Variants in COL6A3 observed in about 807,000 individuals in gnomAD.
COL6A3 encodes collagen type VI alpha 3 chain, also known as collagen alpha-3(VI) chain.
COL6A3 carries 137 observed loss-of-function variants against 274.1 expected under a neutral mutation model. The ratio of observed to expected loss-of-function variants is 0.50; its 90% CI spans 0.44 to 0.58. The LOEUF (loss-of-function observed/expected upper bound fraction) is 0.58, where lower values mean the gene tolerates loss of function less well. Ranked by LOEUF, COL6A3 falls within the 20% of genes least tolerant of loss-of-function variation. The probability of loss-of-function intolerance (pLI) is 0.00; values close to 1 mark genes in which losing one functional copy is unlikely to be tolerated. For missense variants in COL6A3, 3,950 were observed against 4,124.9 expected (o/e 0.96, Z 1.16); for synonymous variants, 1,650 against 1,650.6 (o/e 1.00, Z 0.01).
chr2:237,366,635 G>C, intron 11 of COL6A3, 52 bp downstream of exon 11: 1 of 1,613,920 alleles, frequency 6.2e-7, no homozygotes, highest in Non-Finnish European at 8.5e-7. Context: ...CAGCTAAAGA[G>C]GCACAAATGT....
In COL6A3 at chr2:237,333,533, G is replaced by C. The variant is rs182976977; in HGVS notation, c.9245C>G (p.Pro3082Arg). 1,043 of 1,614,142 alleles carry C rather than the reference G, an allele frequency of 6.5e-4. 5 individuals are homozygous for C. Among genetic ancestry groups the C allele is most frequent in the Non-Finnish European group, 6.7e-4 (791 of 1,179,994 alleles). The change falls in exon 42 of 44, where the codon CCA (proline) becomes CGA (arginine). Residue 3082 changes from proline (P) to arginine (R), a missense_variant. Pro to Arg is a moderately radical substitution (Grantham distance 103). Transcript: ENST00000295550. ...AGCTGACCTTGCTGGCTGTGGAGGT[G>C]GGGGCTGAGATTTCTCTATAAAAGA... ...GSFSTKKSQP[P>R]PPQPARSASS...
In COL6A3 at chr2:237,381,318, A is replaced by G; in HGVS notation, c.1494T>C (p.Tyr498=). ...QYADTVRPEF[Y]FNTHPTKREV... Reference sequence around the variant, plus strand: ...CCCTTTTTGTTGGATGGGTATTGAAATAAAATTCAGGCCTCACAGTGTCTG... The same window carrying G: ...CCCTTTTTGTTGGATGGGTATTGAAGTAAAATTCAGGCCTCACAGTGTCTG... Residue 498 remains tyrosine, a synonymous_variant, in exon 5 of 44, where the codon TAT becomes TAC. Coordinates refer to ENST00000295550, the MANE Select transcript of COL6A3 (RefSeq NM_004369.4). 1.2e-6 allele frequency: 2 copies of G among 1,614,254 alleles called. No individual in the cohort carries two copies. Among genetic ancestry groups the G allele is most frequent in the Non-Finnish European group, 8.5e-7 (1 of 1,180,046 alleles).
Position 237,385,359 on chromosome 2 carries a change from G to T in COL6A3, c.1312+2223C>A, listed in dbSNP as rs554563429. ...ATTAAACATGATGTTTGTAATCAAG[G>T]GGTTGAAACTCTACTTGGCTAGGGA... On this transcript the variant is annotated intron_variant, in intron 4 of 43. Coordinates refer to ENST00000295550, the MANE Select transcript of COL6A3 (RefSeq NM_004369.4). Among the ~76,000 whole-genome samples the T allele has an allele frequency of 3.9e-5, 6 of 152,276 alleles. No homozygotes were observed. In the East Asian group the frequency reaches 1.2e-3, roughly 29 times the overall value.
intron 26 of COL6A3, 117 bp from the exon 27 acceptor site, chr2:237,351,309 G>T (rs2077201950): frequency 2.2e-6 from 2 of 897,684 alleles, no homozygotes. Flanking sequence ...CATGGAACCT[G>T]TCCCACCTGC....
At chr2:237,370,017 T>G (rs1034843758) in intron 9 of COL6A3, among the ~76,000 whole-genome samples, 1 of 151,594 alleles carries the variant, frequency 6.6e-6, no homozygotes, top group African/African-American at 2.4e-5. Context: ...TTTTTTAAAT[T>G]TCATTAAAAT....
chr2:237,349,728 C>G (rs977757010), intron 28 of COL6A3, among the ~76,000 whole-genome samples: 1 of 152,304 alleles, frequency 6.6e-6, no homozygotes, highest in South Asian at 2.1e-4. Flanking sequence ...CCTAAGATGT[C>G]TCATTCAAAA....
chr2:237,377,556 A>C (rs2077882214), intron 6 of COL6A3, among the ~76,000 whole-genome samples: 1 of 152,226 alleles, frequency 6.6e-6, no homozygotes, highest in Non-Finnish European at 1.5e-5. Context: ...AGTAACTAGA[A>C]CAGCCTATCC....
Position 237,374,291 on chromosome 2 carries a change from AT to A in COL6A3, c.3679+120del. 6.9e-7 allele frequency: 1 copy of A among 1,442,228 alleles called. No individual in the cohort carries two copies. The highest frequency in any genetic ancestry group is 9.6e-7 in the Non-Finnish European group (1 of 1,041,790). 89.3% of individuals were successfully genotyped at this position (1,442,228 alleles called of 1,614,324 possible). On this transcript the variant is annotated intron_variant, in intron 8 of 43. Coordinates refer to ENST00000295550, the MANE Select transcript of COL6A3 (RefSeq NM_004369.4). The surrounding 1 kb of genome is among the most constrained non-coding windows in gnomAD (Gnocchi z 4.8). ...ATGTGGGTTCCTAAATTTTCCTGTA[AT>A]TTTAGTTTTCACTTCACATGGCAGG...
At chr2:237,350,346 T>A in intron 27 of COL6A3, 137 bp from the exon 28 acceptor site, 2 of 788,026 alleles carry the variant, frequency 2.5e-6, no homozygotes, top group Non-Finnish European at 4.3e-6. Flanking sequence ...AATGATTTTC[T>A]AAATTGCAAC....
At position 237,348,612 on chromosome 2, in the gene COL6A3, CT is replaced by C. The variant is rs1426887007; in HGVS notation, c.6930del (p.Gly2311GlufsTer20). On this transcript the variant is annotated frameshift_variant and splice_region_variant, in exon 29 of 44. Transcript: ENST00000295550. LOFTEE classifies it high-confidence loss of function. ...TTGGATAATCCTCAGCAGATACGTA[CT>C]TTTTTGCCTCTGCGTCCTTCACTGC... ...GVGSEGRRGK[K>X]GERGFPGYPG... The C allele has an allele frequency of 6.2e-7, 1 of 1,614,012 alleles. No individual in the cohort carries two copies.
rs936351144 is a variant in COL6A3 at position 237,371,477 on chromosome 2, A to G, written c.4285+255T>C. 6.7e-6 allele frequency: 4 copies of G among 596,990 alleles called. No homozygotes were observed. In the East Asian group the frequency reaches 1.0e-4, roughly 15 times the overall value. 37.0% of individuals were successfully genotyped at this position (596,990 alleles called of 1,614,324 possible). A position where few individuals can be genotyped will look rare whatever the true frequency, so the allele number is the denominator to read the frequency against. On this transcript the variant is annotated intron_variant, in intron 9 of 43. Transcript: ENST00000295550. This position sits in a 1 kb window ranked among gnomAD's most constrained non-coding sequence, Gnocchi z 4.3. The stretch of plus-strand genomic sequence containing the variant: ...GCCGGGCGTGGTGGTATGAACCTGT[A>G]GTCCTAGCTACTGAGGAGGCTGAAG...
chr2:237,333,802 T>A (rs1700389345), intron 41 of COL6A3, among the ~76,000 whole-genome samples: 1 of 152,162 alleles, frequency 6.6e-6, no homozygotes, highest in Non-Finnish European at 1.5e-5. Context: ...CCAGACAGCC[T>A]CTTCTGCTGC....
intron 3 of COL6A3, among the ~76,000 whole-genome samples, chr2:237,390,297 T>C (rs898403681): frequency 3.9e-5 from 6 of 152,228 alleles, no homozygotes; most frequent in African/African-American, 1.4e-4. Flanking sequence ...CATTCTCTTG[T>C]AAAAGACTGA....
chr2:237,377,614 A>C (rs1190278630), intron 6 of COL6A3, among the ~76,000 whole-genome samples: 1 of 152,234 alleles, frequency 6.6e-6, no homozygotes, highest in Admixed American at 6.5e-5. Context: ...GAAAAGCCCC[A>C]CTGGGTTGTG....
At chr2:237,412,674 T>C (rs12476069) in intron 1 of COL6A3, among the ~76,000 whole-genome samples, 136,231 of 152,258 alleles carry the variant, frequency 0.89, 61,255 homozygotes, top group East Asian at 0.98. Flanking sequence ...AATGTAACTT[T>C]GATTTTAAAG....
intron 9 of COL6A3, among the ~76,000 whole-genome samples, 167 bp from the exon 10 acceptor site, chr2:237,369,344 C>CT (rs2077630992): frequency 6.6e-6 from 1 of 152,140 alleles, no homozygotes; most frequent in African/African-American, 2.4e-5. Flanking sequence ...AAAATTGGAC[C>CT]TTTTACACCA....
intron 31 of COL6A3, among the ~76,000 whole-genome samples, chr2:237,347,525 A>T (rs2077120740): frequency 6.6e-6 from 1 of 152,068 alleles, no homozygotes; most frequent in Non-Finnish European, 1.5e-5. Context: ...CCATAATGAG[A>T]TTCGAGACTG....
rs78904746 is a variant in COL6A3, at chr2:237,365,994, C to T, written c.5542G>A (p.Asp1848Asn). 1.1e-5 allele frequency: 18 copies of T among 1,613,920 alleles called. No individual in the cohort carries two copies. The East Asian group carries it at 4.0e-4, about 36-fold the overall frequency. ...TTCTGGGCCACAAAAACATTCTGGT[C>T]TCTAGAACCATCAAACCCCAGAATC... ...DVILGFDGSR[D>N]QNVFVAQKGF... The change falls in exon 12 of 44, where the codon GAC becomes AAC. Residue 1848 changes from aspartate to asparagine, a missense_variant. Around this residue, in one of 5 missense-constraint regions of COL6A3, gnomAD observed 632 missense variants for 623.4 expected, o/e 1.01. Coordinates refer to ENST00000295550, the MANE Select transcript of COL6A3 (RefSeq NM_004369.4).
chr2:237,342,303 TG>T (rs1390529646), intron 36 of COL6A3, 142 bp from the exon 37 acceptor site: 15 of 721,928 alleles, frequency 2.1e-5, no homozygotes, highest in Non-Finnish European at 3.4e-5. Context: ...TCTTCTCATT[TG>T]GGGGTGGGGT....
Sources: allele counts gnomAD v4.1 joint callset (sites outside exome capture counted in the v4.1 genomes callset), GRCh38; gene constraint gnomAD v4.1.1; regional missense constraint gnomAD v4.1.1; non-coding constraint Gnocchi (gnomAD v3.1); transcripts MANE v1.5; gene names NCBI Gene and HGNC (gene_info 2026-07-23, HGNC 2026-07-21).